Variants in EIF3M observed in about 807,000 individuals in gnomAD.
The protein encoded by EIF3M is eukaryotic translation initiation factor 3 subunit M, also known as B5 receptor.
Under a neutral mutation model 49.7 loss-of-function variants are expected in EIF3M, and 25 were observed. The ratio of observed to expected loss-of-function variants is 0.50; its 90% confidence interval spans 0.37 to 0.70. The LOEUF (loss-of-function observed/expected upper bound fraction) is 0.70, where lower values mean the gene tolerates loss of function less well. Among genes scored for constraint, EIF3M ranks in the 30% least tolerant of loss-of-function variants. The pLI, the probability that EIF3M is intolerant of heterozygous loss-of-function variation, is 0.00. For synonymous variants in EIF3M, 156 were observed against 149.8 expected (o/e 1.04, Z -0.30); for missense variants, 350 against 440.0 (o/e 0.80, Z 1.83).
At chr11:32,597,939 G>A (rs1266786804) in intron 8 of EIF3M, among the ~76,000 whole-genome samples, 1 of 152,092 alleles carries the variant, frequency 6.6e-6, no homozygotes, top group African/African-American at 2.4e-5. Context: ...TAAATTGTGT[G>A]CCTCCATTGG....
In EIF3M at chr11:32,583,870, T is replaced by A. The variant is rs1293347656; in HGVS notation, c.-18T>A. On this transcript the variant is annotated 5_prime_UTR_variant, in exon 1 of 11. Coordinates refer to ENST00000531120, the MANE Select transcript of EIF3M (RefSeq NM_006360.6). ...GTGGTCTTGCGAGTGGAGTGTCCGC[T>A]GTGCCCGGGCCTGCACCATGAGCGT... 2 of 1,611,900 alleles carry A rather than the reference T, an allele frequency of 1.2e-6. No homozygotes were observed. Among genetic ancestry groups the A allele is most frequent in the Non-Finnish European group, 1.7e-6 (2 of 1,178,556 alleles).
At chr11:32,584,079 C>A in intron 1 of EIF3M, 150 bp downstream of exon 1, 1 of 1,039,712 alleles carries the variant, frequency 9.6e-7, no homozygotes, top group Non-Finnish European at 1.4e-6. Context: ...CTGGGGCGCG[C>A]GTTCCTGGCC....
intron 5 of EIF3M, among the ~76,000 whole-genome samples, chr11:32,590,973 C>T (rs780621234): frequency 6.6e-6 from 1 of 152,116 alleles, no homozygotes; most frequent in African/African-American, 2.4e-5. Context: ...GCCTCAGCCT[C>T]CTGAGCAGCT....
rs1855300141 is a variant in EIF3M, at chr11:32,603,221, A to ATAAC, written c.*824_*827dup. 2.1e-6 allele frequency: 1 copy of ATAAC among 482,798 alleles called. No homozygotes were observed. The highest frequency in any genetic ancestry group is 3.6e-6 in the Non-Finnish European group (1 of 276,494). 29.9% of individuals were successfully genotyped at this position (482,798 alleles called of 1,614,324 possible). A position where few individuals can be genotyped will look rare whatever the true frequency, so the allele number is the denominator to read the frequency against. ...AGTAGATCTTCAAAATCTCTAATAT[A>ATAAC]TAACTGAAGTAAAGTGTACAAAAAC... On this transcript the variant is annotated 3_prime_UTR_variant, in exon 11 of 11. Coordinates refer to ENST00000531120, the MANE Select transcript of EIF3M (RefSeq NM_006360.6).
At chr11:32,593,831 T>C (rs1160142756) in intron 5 of EIF3M, 35 bp from the exon 6 acceptor site, 2 of 1,474,202 alleles carry the variant, frequency 1.4e-6, no homozygotes, top group African/African-American at 1.5e-5. Context: ...ATAGCAGTAA[T>C]GCTTTCAAGT....
In EIF3M at chr11:32,602,660, GAAGTA is replaced by G. The variant is rs1855288603; in HGVS notation, c.*262_*266del. The G allele has an allele frequency of 1.3e-6, 1 of 770,186 alleles. No homozygotes were observed. Among genetic ancestry groups the G allele is most frequent in the Non-Finnish European group, 2.0e-6 (1 of 492,320 alleles). 47.7% of individuals were successfully genotyped at this position (770,186 alleles called of 1,614,324 possible). A position where few individuals can be genotyped will look rare whatever the true frequency, so the allele number is the denominator to read the frequency against. On this transcript the variant is annotated 3_prime_UTR_variant, in exon 11 of 11. Coordinates refer to ENST00000531120, the MANE Select transcript of EIF3M (RefSeq NM_006360.6). The stretch of plus-strand genomic sequence containing the variant: ...AAGGATAATATACAGAGAGAAGACA[GAAGTA>G]GAGTAATACAATTTCTTCACATTAG...
chr11:32,591,127 GC>G (rs1855095382), intron 5 of EIF3M, among the ~76,000 whole-genome samples: 2 of 152,330 alleles, frequency 1.3e-5, no homozygotes, highest in Non-Finnish European at 2.9e-5. Context: ...GGGATTACAG[GC>G]GTGAGCCACC....
At position 32,604,459 on chromosome 11, in the gene EIF3M, A is replaced by G. The variant is rs1855319574; in HGVS notation, c.*2060A>G. On this transcript the variant is annotated 3_prime_UTR_variant, in exon 11 of 11. Transcript: ENST00000531120. ...GTGTATTTTAGAAATATGAAACAGG[A>G]TAAGAATTACATTAAAATCACCCAA... The G allele has an allele frequency of 6.6e-6, 1 of 152,194 alleles. No individual in the cohort carries two copies. The highest frequency in any genetic ancestry group is 1.5e-5 in the Non-Finnish European group (1 of 68,018). The allele number at this position is 152,194 out of a possible 1,614,324, so 9.4% of individuals were successfully genotyped here. A position where few individuals can be genotyped will look rare whatever the true frequency, so the allele number is the denominator to read the frequency against.
chr11:32,587,677 TAA>T (rs1351176232), intron 2 of EIF3M, among the ~76,000 whole-genome samples: 1 of 152,238 alleles, frequency 6.6e-6, no homozygotes, highest in East Asian at 1.9e-4. Flanking sequence ...TTCCTGTTCA[TAA>T]GTTTCAGATT....
intron 2 of EIF3M, among the ~76,000 whole-genome samples, chr11:32,587,524 A>T (rs910981950): frequency 6.6e-6 from 1 of 152,208 alleles, no homozygotes; most frequent in Non-Finnish European, 1.5e-5. Context: ...ACCTTCACAC[A>T]TGCTTTCAGT....
chr11:32,600,994 A>G (rs1855253597), intron 9 of EIF3M, 162 bp downstream of exon 9: 1 of 884,020 alleles, frequency 1.1e-6, no homozygotes, highest in East Asian at 2.9e-5. Flanking sequence ...TAGGGTGAAA[A>G]TTTAGTAGAA....
At chr11:32,595,262 T>C (rs1855162099) in intron 7 of EIF3M, among the ~76,000 whole-genome samples, 1 of 152,008 alleles carries the variant, frequency 6.6e-6, no homozygotes, top group African/African-American at 2.4e-5. Context: ...AGTCTCACTC[T>C]GTCACCAGGC....
intron 6 of EIF3M, chr11:32,594,405 AT>A (rs1408214432): frequency 1.3e-5 from 2 of 154,948 alleles, no homozygotes; most frequent in Non-Finnish European, 2.9e-5. Flanking sequence ...TTTTTTGGTC[AT>A]TGCTTTGTGT....
At chr11:32,591,192 A>G (rs984464884) in intron 5 of EIF3M, among the ~76,000 whole-genome samples, 9 of 152,168 alleles carry the variant, frequency 5.9e-5, no homozygotes, top group Non-Finnish European at 1.2e-4. Context: ...AAGCCCTTAC[A>G]TGTCAGACAC....
intron 5 of EIF3M, among the ~76,000 whole-genome samples, chr11:32,591,306 G>A (rs1378059968): frequency 6.6e-6 from 1 of 152,224 alleles, no homozygotes; most frequent in African/African-American, 2.4e-5. Context: ...TGTGCTTACA[G>A]TGTGGCACAA....
At chr11:32,592,982 C>A (rs143527872) in intron 5 of EIF3M, among the ~76,000 whole-genome samples, 5 of 152,180 alleles carry the variant, frequency 3.3e-5, no homozygotes, top group African/African-American at 9.7e-5. Flanking sequence ...ATTTAAGATG[C>A]GGGTTACCAC....
At chr11:32,594,883 C>G in intron 6 of EIF3M, 31 bp from the exon 7 acceptor site, 3 of 1,582,612 alleles carry the variant, frequency 1.9e-6, no homozygotes, top group Non-Finnish European at 2.6e-6. Context: ...ATTTCAAAAC[C>G]CTGAGCTTAC....
At chr11:32,585,032 C>T (rs1231317693) in intron 1 of EIF3M, among the ~76,000 whole-genome samples, 1 of 152,204 alleles carries the variant, frequency 6.6e-6, no homozygotes, top group Non-Finnish European at 1.5e-5. Context: ...ATAAACTTCG[C>T]ATGGAAGTTT....
At chr11:32,588,431 C>T (rs1408499414) in intron 2 of EIF3M, among the ~76,000 whole-genome samples, 163 bp from the exon 3 acceptor site, 1 of 146,486 alleles carries the variant, frequency 6.8e-6, no homozygotes, top group Non-Finnish European at 1.5e-5. Flanking sequence ...TCTTAGGTAT[C>T]AATTTCCTTC....
Sources: allele counts gnomAD v4.1 joint callset (sites outside exome capture counted in the v4.1 genomes callset), GRCh38; gene constraint gnomAD v4.1.1; transcripts MANE v1.5; gene names NCBI Gene and HGNC (gene_info 2026-07-23, HGNC 2026-07-21).